KSR2: variants seen among roughly 807,000 people sequenced by gnomAD.
KSR2 encodes kinase suppressor of ras 2.
Under a neutral mutation model 107.8 loss-of-function variants are expected in KSR2, and 25 were observed. That is an observed-to-expected ratio of 0.23 (90% CI 0.17 to 0.32). The LOEUF is 0.32. Ranked by LOEUF, KSR2 falls within the 10% of genes least tolerant of loss-of-function variation. The pLI is 1.00. For missense variants in KSR2, 887 were observed against 1,268.9 expected (o/e 0.70, Z 4.57); for synonymous variants, 480 against 507.0 (o/e 0.95, Z 0.71).
chr12:117,926,622 C>T (rs1466584817), intron 1 of KSR2, among the ~76,000 whole-genome samples: 1 of 152,228 alleles, frequency 6.6e-6, no homozygotes, highest in Non-Finnish European at 1.5e-5. Context: ...TGTTTGCATG[C>T]ATCCACAGGA....
chr12:117,819,567 G>A (rs565297664), intron 3 of KSR2, among the ~76,000 whole-genome samples: 1 of 152,162 alleles, frequency 6.6e-6, no homozygotes, highest in African/African-American at 2.4e-5. Context: ...TATAAATCTG[G>A]GCAGCTGATT....
intron 1 of KSR2, among the ~76,000 whole-genome samples, chr12:117,938,005 T>C (rs1022789956): frequency 2.0e-5 from 3 of 149,578 alleles, no homozygotes; most frequent in Non-Finnish European, 4.4e-5. Context: ...CTGAAACATA[T>C]TAGACTCCTC....
At chr12:117,595,520 G>A (rs1206962447) in intron 5 of KSR2, among the ~76,000 whole-genome samples, 5 of 151,730 alleles carry the variant, frequency 3.3e-5, no homozygotes, top group Non-Finnish European at 7.4e-5. Flanking sequence ...GCCCGCCACC[G>A]CGCCCGGCTA....
intron 17 of KSR2, among the ~76,000 whole-genome samples, chr12:117,474,527 C>T (rs1391753935): frequency 6.6e-6 from 1 of 152,068 alleles, no homozygotes; most frequent in African/African-American, 2.4e-5. Context: ...TGCAGGCCTG[C>T]AACTTTCCCA....
At chr12:117,767,257 CAAAAA>C (rs1203613217) in intron 3 of KSR2, among the ~76,000 whole-genome samples, 1 of 120,010 alleles carries the variant, frequency 8.3e-6, no homozygotes, top group Admixed American at 8.2e-5. Context: ...ACTAAAAATC[CAAAAA>C]AAAAAAAAAA....
chr12:117,823,525 TAAG>T, intron 3 of KSR2, among the ~76,000 whole-genome samples: 1 of 152,188 alleles, frequency 6.6e-6, no homozygotes, highest in Non-Finnish European at 1.5e-5. Context: ...TACCATTTAC[TAAG>T]AAGAAAAAAA....
At chr12:117,859,467 T>A (rs1263691032) in intron 2 of KSR2, among the ~76,000 whole-genome samples, 4 of 150,912 alleles carry the variant, frequency 2.7e-5, no homozygotes, top group African/African-American at 7.3e-5. Context: ...ATTTATTTTT[T>A]TTTTTTTGAG....
At chr12:117,659,195 C>A (rs767282649) in intron 5 of KSR2, among the ~76,000 whole-genome samples, 2 of 152,182 alleles carry the variant, frequency 1.3e-5, no homozygotes, top group Non-Finnish European at 2.9e-5. Context: ...CCAACAGACA[C>A]AAATGGCCCC....
At chr12:117,911,152 A>C (rs1894999493) in intron 1 of KSR2, among the ~76,000 whole-genome samples, 1 of 136,778 alleles carries the variant, frequency 7.3e-6, no homozygotes, top group Non-Finnish European at 1.5e-5. Context: ...ACTTGCACAC[A>C]TTCTTTCTCT....
chr12:117,903,273 C>T (rs776174806), intron 1 of KSR2, among the ~76,000 whole-genome samples: 2 of 152,058 alleles, frequency 1.3e-5, no homozygotes, highest in Non-Finnish European at 2.9e-5. Flanking sequence ...CAGGGCTGGC[C>T]CACAGCTGGC....
intron 3 of KSR2, among the ~76,000 whole-genome samples, chr12:117,775,506 G>A (rs1889656336): frequency 6.6e-6 from 1 of 152,238 alleles, no homozygotes; most frequent in Non-Finnish European, 1.5e-5. Context: ...GAGATTGAGA[G>A]GAAATTACAG....
chr12:117,650,673 C>G (rs181206461), intron 5 of KSR2, among the ~76,000 whole-genome samples: 1 of 152,274 alleles, frequency 6.6e-6, no homozygotes, highest in East Asian at 1.9e-4. Context: ...TTATGAAAGG[C>G]AAGGAGTTTA....
chr12:117,555,899 G>C (rs781454062), intron 8 of KSR2, among the ~76,000 whole-genome samples: 4 of 152,126 alleles, frequency 2.6e-5, no homozygotes, highest in Non-Finnish European at 5.9e-5. Flanking sequence ...CACAGCAAGG[G>C]GCAAAAATGA....
intron 14 of KSR2, among the ~76,000 whole-genome samples, chr12:117,513,285 A>G (rs1321476181): frequency 6.6e-6 from 1 of 152,338 alleles, no homozygotes; most frequent in South Asian, 2.1e-4. Context: ...CAATCCTGAT[A>G]TACTCCATGA....
At chr12:117,765,505 G>C (rs1205172958) in intron 3 of KSR2, among the ~76,000 whole-genome samples, 1 of 152,178 alleles carries the variant, frequency 6.6e-6, no homozygotes, top group Admixed American at 6.5e-5. Flanking sequence ...GGAGGGTGCA[G>C]TGAGAATTAA....
At chr12:117,932,723 A>G (rs1404342042) in intron 1 of KSR2, among the ~76,000 whole-genome samples, 2 of 152,116 alleles carry the variant, frequency 1.3e-5, no homozygotes, top group Non-Finnish European at 2.9e-5. Context: ...TCCTGTCTCA[A>G]ATAAATAGGC....
chr12:117,667,417 G>T, intron 5 of KSR2, 57 bp downstream of exon 5: 1 of 1,505,358 alleles, frequency 6.6e-7, no homozygotes, highest in South Asian at 1.2e-5. Context: ...AGCAGGTGCT[G>T]GGGAGAAGGA....
intron 14 of KSR2, among the ~76,000 whole-genome samples, chr12:117,491,428 T>A (rs564452088): frequency 6.6e-6 from 1 of 152,098 alleles, no homozygotes; most frequent in Non-Finnish European, 1.5e-5. Flanking sequence ...GATGCCCCCA[T>A]CTCGGCCTCC....
Position 117,733,896 on chromosome 12 carries a change from T to A in KSR2, c.986+27115A>T, listed in dbSNP as rs78227962. On this transcript the variant is annotated intron_variant, in intron 4 of 19. Transcript: ENST00000339824. ...AAAATAAGTTTGCTGAATGGAAGAATGAACAAATGAAGGAGTCTTTGAATG... is the reference window on the plus strand; with the variant it reads ...AAAATAAGTTTGCTGAATGGAAGAAAGAACAAATGAAGGAGTCTTTGAATG... Among the ~76,000 whole-genome samples the A allele has an allele frequency of 5.3e-3, 804 of 152,282 alleles. 7 individuals carry two copies. Among genetic ancestry groups the A allele is most frequent in the African/African-American group, 0.018 (745 of 41,558 alleles).
Sources: gnomAD v4.1 joint callset for allele counts (sites outside exome capture counted in the v4.1 genomes callset) on GRCh38, gnomAD v4.1.1 for gene constraint, MANE v1.5 for transcripts, NCBI Gene and HGNC (gene_info 2026-07-23, HGNC 2026-07-21) for gene names.